SLIT2: variants seen among roughly 807,000 people sequenced by gnomAD.
The protein encoded by SLIT2 is slit homolog 2 protein.
A neutral mutation model predicts 185.7 loss-of-function variants in SLIT2; 41 were observed. The observed-to-expected ratio is 0.22, with a 90% confidence interval of 0.17 to 0.29. The LOEUF (loss-of-function observed/expected upper bound fraction) is 0.29, where lower values mean the gene tolerates loss of function less well. Among genes scored for constraint, SLIT2 ranks in the 10% least tolerant of loss-of-function variants. The pLI is 1.00. For synonymous variants in SLIT2, 693 were observed against 680.2 expected (o/e 1.02, Z -0.29); for missense variants, 1,571 against 1,909.0 (o/e 0.82, Z 3.30).
In SLIT2 at chr4:20,486,283, CAAT is replaced by C. The variant is rs778121885; in HGVS notation, c.611+14_611+16del. On this transcript the variant is annotated intron_variant, in intron 7 of 36. Coordinates refer to ENST00000504154, the MANE Select transcript of SLIT2 (RefSeq NM_004787.4). ...AAACTTAGGACTTTGTAAGTAGTCA[CAAT>C]ATATGTAAAAGTCATATTAATCAAT... is the stretch of plus-strand genomic sequence containing the variant. 2 of 1,449,138 alleles carry C rather than the reference CAAT, an allele frequency of 1.4e-6. No homozygotes were observed. The highest frequency in any genetic ancestry group is 1.9e-6 in the Non-Finnish European group (2 of 1,030,926). 89.8% of individuals were successfully genotyped at this position (1,449,138 alleles called of 1,614,324 possible).
chr4:20,324,642 T>A (rs1719400533), intron 4 of SLIT2, among the ~76,000 whole-genome samples: 1 of 152,130 alleles, frequency 6.6e-6, no homozygotes, highest in Admixed American at 6.5e-5. Context: ...TGCATTCTCA[T>A]CACAGAATAA....
chr4:20,359,504 C>G (rs1425665973), intron 4 of SLIT2, among the ~76,000 whole-genome samples: 1 of 151,808 alleles, frequency 6.6e-6, no homozygotes, highest in East Asian at 1.9e-4. Flanking sequence ...TGCATTTGTG[C>G]CAATGGAGAG....
Position 20,548,512 on chromosome 4 carries a change from C to A in SLIT2, c.2370C>A (p.Ser790Arg). The A allele has an allele frequency of 6.2e-7, 1 of 1,603,846 alleles. No individual in the cohort carries two copies. Among genetic ancestry groups the A allele is most frequent in the Non-Finnish European group, 8.5e-7 (1 of 1,170,974 alleles). Residue 790 changes from serine to arginine, a missense_variant, in exon 23 of 37, where the codon AGC becomes AGA. Ser to Arg is a moderately radical substitution (Grantham distance 110). Transcript: ENST00000504154. ...GAGACTTAAGTAACAACAGAATAAG[C>A]ACGCTTTCTAATCAGAGCTTCAGCA... Reference protein sequence around the residue: ...TLIDLSNNRISTLSNQSFSNM... With the variant: ...TLIDLSNNRIRTLSNQSFSNM...
chr4:20,446,062 T>A (rs1158226808), intron 4 of SLIT2, among the ~76,000 whole-genome samples: 1 of 152,216 alleles, frequency 6.6e-6, no homozygotes, highest in Admixed American at 6.5e-5. Context: ...GCACAACAAC[T>A]GTCTGTGTGC....
chr4:20,353,157 A>C (rs191282383), intron 4 of SLIT2, among the ~76,000 whole-genome samples: 1 of 152,314 alleles, frequency 6.6e-6, no homozygotes, highest in Non-Finnish European at 1.5e-5. Flanking sequence ...GTATTGATTC[A>C]GATTGTGTGT....
At chr4:20,493,026 A>G (rs1717914445) in intron 9 of SLIT2, among the ~76,000 whole-genome samples, 1 of 152,176 alleles carries the variant, frequency 6.6e-6, no homozygotes, top group Non-Finnish European at 1.5e-5. Context: ...TCAAAATTTT[A>G]ATTGATAGAA....
intron 4 of SLIT2, among the ~76,000 whole-genome samples, chr4:20,369,332 T>A (rs906783025): frequency 1.3e-5 from 2 of 151,996 alleles, no homozygotes; most frequent in African/African-American, 4.8e-5. Context: ...AGGCAGAGGT[T>A]CCTTTTCCTC....
rs1266210481 is a variant in SLIT2 at position 20,484,491 on chromosome 4, T to C, written c.540-1709T>C. Reference sequence around the variant, plus strand: ...TTCAAATGACTTAGAATAGTTCTTATATAATTCAATACATTGCAAAACAAG... The same window carrying C: ...TTCAAATGACTTAGAATAGTTCTTACATAATTCAATACATTGCAAAACAAG... On this transcript the variant is annotated intron_variant, in intron 6 of 36. Coordinates refer to ENST00000504154, the MANE Select transcript of SLIT2 (RefSeq NM_004787.4). The surrounding 1 kb of genome is among the most constrained non-coding windows in gnomAD (Gnocchi z 4.3). Among the ~76,000 whole-genome samples, 1 of 152,144 alleles carries C rather than the reference T, an allele frequency of 6.6e-6. No individual in the cohort carries two copies. The highest frequency in any genetic ancestry group is 2.1e-4 in the South Asian group (1 of 4,836).
intron 29 of SLIT2, among the ~76,000 whole-genome samples, chr4:20,572,262 G>T (rs531350596): frequency 6.6e-6 from 1 of 152,248 alleles, no homozygotes; most frequent in South Asian, 2.1e-4. Flanking sequence ...GCTTCCAGTT[G>T]TGTAATGCAT....
chr4:20,365,375 C>A (rs938331400), intron 4 of SLIT2, among the ~76,000 whole-genome samples: 1 of 152,080 alleles, frequency 6.6e-6, no homozygotes, highest in African/African-American at 2.4e-5. Flanking sequence ...GCCTCTCAGC[C>A]GTATCATCTT....
intron 10 of SLIT2, 33 bp downstream of exon 10, chr4:20,510,599 T>G: frequency 1.4e-6 from 2 of 1,405,658 alleles, no homozygotes; most frequent in Non-Finnish European, 2.0e-6. Flanking sequence ...TATATGTAAT[T>G]TTAAAAATTA....
At chr4:20,573,987 C>G (rs1431310439) in intron 29 of SLIT2, among the ~76,000 whole-genome samples, 1 of 123,296 alleles carries the variant, frequency 8.1e-6, no homozygotes, top group East Asian at 2.3e-4. Flanking sequence ...TGGAGTCTCA[C>G]TCTGTCACCC....
At chr4:20,288,976 T>C (rs568333834) in intron 4 of SLIT2, among the ~76,000 whole-genome samples, 1 of 152,348 alleles carries the variant, frequency 6.6e-6, no homozygotes, top group Admixed American at 6.5e-5. Flanking sequence ...TTAGGTGAAG[T>C]TGCCAAAGAA....
chr4:20,608,466 A>G (rs1199050093), intron 33 of SLIT2, among the ~76,000 whole-genome samples: 1 of 152,098 alleles, frequency 6.6e-6, no homozygotes, highest in African/African-American at 2.4e-5. Flanking sequence ...TCCTCTGCCA[A>G]TTGTATTGAT....
intron 4 of SLIT2, among the ~76,000 whole-genome samples, chr4:20,332,218 C>A (rs1030064317): frequency 6.6e-6 from 1 of 151,926 alleles, no homozygotes; most frequent in Admixed American, 6.6e-5. Flanking sequence ...ACACACACAC[C>A]CACACTTTTG....
At chr4:20,583,960 TACTC>T (rs1726827534) in intron 29 of SLIT2, among the ~76,000 whole-genome samples, 1 of 152,152 alleles carries the variant, frequency 6.6e-6, no homozygotes, top group South Asian at 2.1e-4. Context: ...AGTGCAATAA[TACTC>T]ACAATATCAG....
chr4:20,401,195 A>G (rs1726331272), intron 4 of SLIT2, among the ~76,000 whole-genome samples: 2 of 151,878 alleles, frequency 1.3e-5, no homozygotes, highest in Non-Finnish European at 2.9e-5. Flanking sequence ...TAAAAGGTGA[A>G]TGATTTTCCC....
At chr4:20,278,867 C>CT (rs1714448207) in intron 4 of SLIT2, among the ~76,000 whole-genome samples, 1 of 151,884 alleles carries the variant, frequency 6.6e-6, no homozygotes, top group Non-Finnish European at 1.5e-5. Context: ...ATACTGAGTG[C>CT]TTAAGAAACG....
chr4:20,502,775 T>C lies in SLIT2; in HGVS notation c.915-7720T>C, dbSNP rs1028994995. 2.0e-5 allele frequency among the ~76,000 whole-genome samples: 3 copies of C among 152,100 alleles called. 1 individual carries two copies. The South Asian group carries it at 6.2e-4, about 31-fold the overall frequency. On this transcript the variant is annotated intron_variant, in intron 9 of 36. Transcript: ENST00000504154. ...AGACTGTCCCGATGGCGATAGAATA[T>C]GAGGGAAATTTTCTAGCAAGGTAGT...
Sources: allele counts gnomAD v4.1 joint callset (sites outside exome capture counted in the v4.1 genomes callset), GRCh38; gene constraint gnomAD v4.1.1; non-coding constraint Gnocchi (gnomAD v3.1); transcripts MANE v1.5; gene names NCBI Gene and HGNC (gene_info 2026-07-23, HGNC 2026-07-21).